Variants in SLC35D4 observed in about 807,000 individuals in gnomAD.
SLC35D4 encodes solute carrier family 35 member D4.
At chr18:23,319,868 T>A in the SLC35D4 span, among the ~76,000 whole-genome samples, 1 of 152,254 alleles carries the variant, frequency 6.6e-6, no homozygotes, top group Non-Finnish European at 1.5e-5. Context: ...GCTTTGTGGT[T>A]GCTTCTTCGA....
At chr18:23,246,540 C>T in the SLC35D4 span, among the ~76,000 whole-genome samples, 27 of 151,996 alleles carry the variant, frequency 1.8e-4, no homozygotes, top group South Asian at 6.3e-4. Context: ...TACAGGCACC[C>T]GCCACCACAC....
chr18:23,335,048 ATTTGGACTAC>A, the SLC35D4 span, among the ~76,000 whole-genome samples: 1 of 152,064 alleles, frequency 6.6e-6, no homozygotes, highest in African/African-American at 2.4e-5. Context: ...GAAAAAGCAA[ATTTGGACTAC>A]TTTTTGTAAG....
the SLC35D4 span, among the ~76,000 whole-genome samples, chr18:23,240,637 A>G: frequency 3.9e-5 from 6 of 152,336 alleles, no homozygotes; most frequent in East Asian, 1.2e-3. Flanking sequence ...TGTTGGTCAC[A>G]GGCCAATTAT....
chr18:23,318,562 T>C, the SLC35D4 span, among the ~76,000 whole-genome samples: 1 of 152,236 alleles, frequency 6.6e-6, no homozygotes, highest in African/African-American at 2.4e-5. Context: ...TATAGATATA[T>C]CATGGTTTCC....
chr18:23,400,061 C>G, the SLC35D4 span, among the ~76,000 whole-genome samples: 5 of 152,248 alleles, frequency 3.3e-5, no homozygotes, highest in Non-Finnish European at 5.9e-5. Flanking sequence ...GGAATCACAA[C>G]AAAAAGAACC....
the SLC35D4 span, among the ~76,000 whole-genome samples, chr18:23,300,028 T>A: frequency 2.0e-4 from 31 of 152,272 alleles, no homozygotes; most frequent in African/African-American, 7.2e-4. Context: ...GTCAGCACTG[T>A]CTCCGTGAGA....
At chr18:23,381,080 A>T in the SLC35D4 span, among the ~76,000 whole-genome samples, 2 of 152,184 alleles carry the variant, frequency 1.3e-5, no homozygotes, top group African/African-American at 4.8e-5. Context: ...CAGAAATGTA[A>T]GTCTCATCAA....
At chr18:23,277,095 G>A in the SLC35D4 span, among the ~76,000 whole-genome samples, 3 of 152,238 alleles carry the variant, frequency 2.0e-5, no homozygotes, top group Non-Finnish European at 4.4e-5. Flanking sequence ...AGGCTCACTT[G>A]TGTGTCTGCA....
the SLC35D4 span, among the ~76,000 whole-genome samples, chr18:23,428,795 C>G: frequency 6.6e-6 from 1 of 152,092 alleles, no homozygotes; most frequent in Non-Finnish European, 1.5e-5. Flanking sequence ...AAACAGTGAG[C>G]ACAGTACCTA....
chr18:23,264,001 C>A, the SLC35D4 span, among the ~76,000 whole-genome samples: 1 of 152,218 alleles, frequency 6.6e-6, no homozygotes, highest in Non-Finnish European at 1.5e-5. Context: ...ACTCGAGCAC[C>A]TATCACAGGG....
chr18:23,272,112 G>A, the SLC35D4 span, among the ~76,000 whole-genome samples: 1 of 152,242 alleles, frequency 6.6e-6, no homozygotes, highest in Non-Finnish European at 1.5e-5. Context: ...TTGATTGGAA[G>A]TAGTTGGTAT....
chr18:23,371,535 G>T, the SLC35D4 span: 1 of 1,365,620 alleles, frequency 7.3e-7, no homozygotes, highest in Non-Finnish European at 1.0e-6. Flanking sequence ...ATCCAGTGTG[G>T]CCATCAGAAA....
chr18:23,312,776 C>T, the SLC35D4 span, among the ~76,000 whole-genome samples: 12 of 152,176 alleles, frequency 7.9e-5, no homozygotes, highest in South Asian at 6.2e-4. Context: ...GGAAGCCATC[C>T]CAGGACCAAG....
chr18:23,309,839 G>A, the SLC35D4 span: 19 of 1,203,272 alleles, frequency 1.6e-5, no homozygotes, highest in African/African-American at 1.2e-4. Flanking sequence ...ACTTGAGTTC[G>A]GATGCCTGCC....
At chr18:23,412,379 T>G in the SLC35D4 span, among the ~76,000 whole-genome samples, 1 of 152,256 alleles carries the variant, frequency 6.6e-6, no homozygotes, top group Non-Finnish European at 1.5e-5. Context: ...CCTAAAATAC[T>G]AATACCTTAC....
the SLC35D4 span, among the ~76,000 whole-genome samples, chr18:23,317,647 C>T: frequency 6.6e-6 from 1 of 152,320 alleles, no homozygotes; most frequent in Non-Finnish European, 1.5e-5. Flanking sequence ...ATCAGTGTCA[C>T]TTGTGTCCCC....
At chr18:23,379,212 C>A in the SLC35D4 span, among the ~76,000 whole-genome samples, 3 of 151,852 alleles carry the variant, frequency 2.0e-5, no homozygotes, top group Non-Finnish European at 4.4e-5. Flanking sequence ...CAACCTCTGC[C>A]TCCTGGGTTC....
the SLC35D4 span, among the ~76,000 whole-genome samples, chr18:23,353,727 G>A: frequency 5.3e-5 from 8 of 152,210 alleles, no homozygotes. Flanking sequence ...AAGGCAAAGA[G>A]GGCCCGTGGG....
chr18:23,278,822 A>G, the SLC35D4 span, among the ~76,000 whole-genome samples: 3 of 152,200 alleles, frequency 2.0e-5, no homozygotes, highest in Non-Finnish European at 4.4e-5. Context: ...CCTGGGCAAC[A>G]TGGTGAGATC....
Sources: gnomAD v4.1 joint callset for allele counts (sites outside exome capture counted in the v4.1 genomes callset) on GRCh38, gnomAD v4.1.1 for gene constraint, MANE v1.5 for transcripts, NCBI Gene and HGNC (gene_info 2026-07-23, HGNC 2026-07-21) for gene names.